MCTP1: variants seen among roughly 807,000 people sequenced by gnomAD.
MCTP1 encodes multiple C2 and transmembrane domain containing 1, also known as multiple C2 and transmembrane domain-containing protein 1.
MCTP1 carries 69 observed loss-of-function variants against 120.6 expected under a neutral mutation model. The ratio of observed to expected loss-of-function variants is 0.57; its 90% CI spans 0.47 to 0.70. The LOEUF (loss-of-function observed/expected upper bound fraction) is 0.70, where lower values mean the gene tolerates loss of function less well. Among genes scored for constraint, MCTP1 ranks in the 30% least tolerant of loss-of-function variants. The pLI is 0.00. For synonymous variants in MCTP1, 529 were observed against 493.1 expected (o/e 1.07, Z -0.96); for missense variants, 1,203 against 1,248.8 (o/e 0.96, Z 0.55).
chr5:95,211,047 G>A (rs1159232223), intron 1 of MCTP1, among the ~76,000 whole-genome samples: 6 of 151,910 alleles, frequency 3.9e-5, no homozygotes, highest in Non-Finnish European at 7.4e-5. Context: ...GAGATCCACT[G>A]TTAGTCTGAT....
At chr5:95,157,335 T>G (rs995220096) in intron 1 of MCTP1, among the ~76,000 whole-genome samples, 2 of 152,116 alleles carry the variant, frequency 1.3e-5, no homozygotes, top group African/African-American at 4.8e-5. Flanking sequence ...CCTGAAAAGC[T>G]AAGAGACAGG....
At chr5:95,186,210 T>A (rs1302046991) in intron 1 of MCTP1, among the ~76,000 whole-genome samples, 1 of 150,916 alleles carries the variant, frequency 6.6e-6, no homozygotes, top group Non-Finnish European at 1.5e-5. Flanking sequence ...TAAACCCATC[T>A]CTATTTGCAG....
chr5:95,221,529 A>G (rs898353443), intron 1 of MCTP1, among the ~76,000 whole-genome samples: 22 of 152,222 alleles, frequency 1.4e-4, no homozygotes, highest in African/African-American at 5.1e-4. Context: ...ATGTGGTTAT[A>G]AATACAGTCT....
chr5:95,024,953 T>C lies in MCTP1; in HGVS notation c.721-7469A>G, dbSNP rs142159199. On this transcript the variant is annotated intron_variant, in intron 1 of 22. Transcript: ENST00000515393. ...AGAAAGGAAGGATTGTACATATTCA[T>C]GGATTAGGAGAATTAGTATTGTTAA... 9.9e-3 allele frequency among the ~76,000 whole-genome samples: 1,506 copies of C among 152,256 alleles called. 33 individuals carry two copies. The highest frequency in any genetic ancestry group is 0.034 in the African/African-American group (1,432 of 41,550).
chr5:95,179,879 T>C (rs1223266251), intron 1 of MCTP1, among the ~76,000 whole-genome samples: 1 of 152,090 alleles, frequency 6.6e-6, no homozygotes, highest in Non-Finnish European at 1.5e-5. Flanking sequence ...ACCAACCAAG[T>C]TTCTACTGTC....
At chr5:94,947,801 T>G (rs76165000) in intron 3 of MCTP1, among the ~76,000 whole-genome samples, 208 of 149,012 alleles carry the variant, frequency 1.4e-3, no homozygotes, top group African/African-American at 4.6e-3. Flanking sequence ...TTTTTTTTTT[T>G]GTAGAGACAG....
chr5:95,182,545 A>AT (rs1261597877), intron 1 of MCTP1, among the ~76,000 whole-genome samples: 1 of 152,090 alleles, frequency 6.6e-6, no homozygotes, highest in African/African-American at 2.4e-5. Flanking sequence ...GCAGTAAGAG[A>AT]TTTTTTAATA....
intron 1 of MCTP1, among the ~76,000 whole-genome samples, chr5:95,253,563 C>G (rs1477965084): frequency 6.6e-6 from 1 of 151,948 alleles, no homozygotes; most frequent in Non-Finnish European, 1.5e-5. Context: ...TTTGCTCTTT[C>G]CCGATGAAAA....
intron 1 of MCTP1, among the ~76,000 whole-genome samples, chr5:95,195,133 G>A (rs368128200): frequency 2.0e-5 from 3 of 152,126 alleles, no homozygotes; most frequent in East Asian, 1.9e-4. Flanking sequence ...CTCATACACC[G>A]CACATCCTAG....
intron 1 of MCTP1, among the ~76,000 whole-genome samples, chr5:95,091,001 A>G (rs1755802657): frequency 6.6e-6 from 1 of 152,210 alleles, no homozygotes; most frequent in Non-Finnish European, 1.5e-5. Flanking sequence ...CCTGCCCACA[A>G]GGGGTTTACA....
intron 2 of MCTP1, among the ~76,000 whole-genome samples, chr5:94,958,792 A>C (rs1210443164): frequency 6.6e-6 from 1 of 152,180 alleles, no homozygotes; most frequent in East Asian, 1.9e-4. Context: ...CCTACCAACC[A>C]AAAAAACCCA....
rs140894318 is a variant in MCTP1 at position 95,234,923 on chromosome 5, T to G, written c.720+48933A>C. Among the ~76,000 whole-genome samples, 772 of 152,194 alleles carry G rather than the reference T, an allele frequency of 5.1e-3. 2 individuals carry two copies. Among genetic ancestry groups the G allele is most frequent in the Non-Finnish European group, 7.1e-3 (485 of 67,956 alleles). On this transcript the variant is annotated intron_variant, in intron 1 of 22. Coordinates refer to ENST00000515393, the MANE Select transcript of MCTP1 (RefSeq NM_024717.7). Reference sequence around the variant, plus strand: ...CTACCAACATTAAAGATGAAAAATATTATTTCTACACAAACTCTTCCAAAA... The same window carrying G: ...CTACCAACATTAAAGATGAAAAATAGTATTTCTACACAAACTCTTCCAAAA...
chr5:95,028,148 GGC>G (rs1839629025), intron 1 of MCTP1, among the ~76,000 whole-genome samples: 2 of 152,130 alleles, frequency 1.3e-5, no homozygotes. Flanking sequence ...TGGTTAGGAT[GGC>G]CATGTAACTG....
intron 19 of MCTP1, among the ~76,000 whole-genome samples, chr5:94,728,010 A>G (rs2152685144): frequency 6.6e-6 from 1 of 152,302 alleles, no homozygotes; most frequent in Non-Finnish European, 1.5e-5. Flanking sequence ...CTGAATAACA[A>G]CTTAGTGTTC....
intron 2 of MCTP1, among the ~76,000 whole-genome samples, chr5:94,995,239 C>T (rs1301866949): frequency 6.6e-6 from 1 of 152,186 alleles, no homozygotes; most frequent in Non-Finnish European, 1.5e-5. Flanking sequence ...ATCAGAATCA[C>T]ATAGAAGGTT....
At chr5:95,047,904 C>A (rs1295400956) in intron 1 of MCTP1, among the ~76,000 whole-genome samples, 1 of 152,140 alleles carries the variant, frequency 6.6e-6, no homozygotes, top group African/African-American at 2.4e-5. Context: ...CTCCTACCCA[C>A]TAGCTAACTC....
At chr5:94,809,934 C>T (rs535670981) in intron 17 of MCTP1, among the ~76,000 whole-genome samples, 1 of 152,122 alleles carries the variant, frequency 6.6e-6, no homozygotes, top group East Asian at 1.9e-4. Context: ...ACAGTCCATG[C>T]TTTAATTATT....
chr5:95,196,071 G>A (rs1309258946), intron 1 of MCTP1, among the ~76,000 whole-genome samples: 1 of 152,180 alleles, frequency 6.6e-6, no homozygotes, highest in Non-Finnish European at 1.5e-5. Context: ...TCCTGGATAT[G>A]TTTATCGCTA....
chr5:94,739,695 T>G (rs1765069863), intron 19 of MCTP1, among the ~76,000 whole-genome samples: 1 of 152,200 alleles, frequency 6.6e-6, no homozygotes, highest in Non-Finnish European at 1.5e-5. Flanking sequence ...GACGGAGTCT[T>G]ACTCTGTCGC....
Sources: allele counts gnomAD v4.1 joint callset (sites outside exome capture counted in the v4.1 genomes callset), GRCh38; gene constraint gnomAD v4.1.1; transcripts MANE v1.5; gene names NCBI Gene and HGNC (gene_info 2026-07-23, HGNC 2026-07-21).